Variants in ASTN2 observed in about 807,000 individuals in gnomAD.
ASTN2 encodes the protein astrotactin-2.
In ASTN2, 54 loss-of-function variants were observed where a neutral mutation model predicts 139.8. The observed-to-expected ratio is 0.39, with a 90% CI of 0.31 to 0.48. The LOEUF (loss-of-function observed/expected upper bound fraction) is 0.48. Ranked by LOEUF, ASTN2 falls within the 20% of genes least tolerant of loss-of-function variation. The pLI is 0.95. For synonymous variants in ASTN2, 756 were observed against 719.5 expected, an observed-to-expected ratio of 1.05 and a Z score of -0.81; for missense variants, 1,565 against 1,725.1, an observed-to-expected ratio of 0.91 and a Z score of 1.64.
chr9:117,015,638 T>G (rs1371757103), intron 6 of ASTN2, among the ~76,000 whole-genome samples: 1 of 152,132 alleles, frequency 6.6e-6, no homozygotes, highest in Non-Finnish European at 1.5e-5. Context: ...GGGATTATTA[T>G]AATACCCATA....
intron 19 of ASTN2, chr9:116,582,786 C>G (rs947772824): frequency 2.0e-5 from 3 of 152,190 alleles, no homozygotes; most frequent in African/African-American, 7.2e-5. Context: ...TTCCAAAGCA[C>G]CATTCTGATT....
chr9:117,210,050 C>A (rs886262659), intron 3 of ASTN2, among the ~76,000 whole-genome samples: 5 of 151,912 alleles, frequency 3.3e-5, no homozygotes, highest in Admixed American at 3.3e-4. Flanking sequence ...TGGAACACAG[C>A]AAAAGCAGTA....
intron 19 of ASTN2, among the ~76,000 whole-genome samples, chr9:116,568,174 G>A (rs2131681164): frequency 6.6e-6 from 1 of 152,146 alleles, no homozygotes; most frequent in East Asian, 1.9e-4. Context: ...CTTCTCACCA[G>A]GATATTAGAA....
intron 22 of ASTN2, among the ~76,000 whole-genome samples, chr9:116,435,003 TATCA>T (rs1381337518): frequency 6.6e-6 from 1 of 152,240 alleles, no homozygotes; most frequent in Non-Finnish European, 1.5e-5. Context: ...GCTCATCTTA[TATCA>T]GTCCTCAAAG....
chr9:116,742,205 A>C (rs1234065969), intron 13 of ASTN2, among the ~76,000 whole-genome samples: 1 of 152,234 alleles, frequency 6.6e-6, no homozygotes, highest in Non-Finnish European at 1.5e-5. Context: ...CAAGCTGGAC[A>C]ATAGTTTCAA....
intron 2 of ASTN2, among the ~76,000 whole-genome samples, chr9:117,266,135 G>A (rs1224428814): frequency 6.6e-6 from 1 of 152,082 alleles, no homozygotes; most frequent in African/African-American, 2.4e-5. Context: ...AAATCAGACA[G>A]GTTTTATAAT....
intron 1 of ASTN2, among the ~76,000 whole-genome samples, chr9:117,341,354 A>G (rs76745334): frequency 0.013 from 2,011 of 152,266 alleles, 25 homozygotes; most frequent in Non-Finnish European, 0.021. Flanking sequence ...CAAGAGATGG[A>G]GATACACAGA....
chr9:116,703,971 C>T (rs1183126573), intron 16 of ASTN2, among the ~76,000 whole-genome samples: 1 of 152,146 alleles, frequency 6.6e-6, no homozygotes, highest in African/African-American at 2.4e-5. Context: ...AGACTCCAGA[C>T]CTATGGCTTT....
rs986468742 is a variant in ASTN2, at chr9:117,306,565, C to T, written c.443-15052G>A. 4.6e-5 allele frequency among the ~76,000 whole-genome samples: 7 copies of T among 152,292 alleles called. No individual in the cohort carries two copies. In the South Asian group the frequency reaches 1.4e-3, roughly 32 times the overall value. On this transcript the variant is annotated intron_variant, in intron 1 of 22. Transcript: ENST00000313400. ...GGAATAGACATGGCATCTTCAGAGG[C>T]TGTTCAGAGGATTTACTAAAGAATG...
intron 10 of ASTN2, among the ~76,000 whole-genome samples, chr9:116,880,847 C>T (rs966045124): frequency 6.6e-6 from 1 of 152,132 alleles, no homozygotes; most frequent in African/African-American, 2.4e-5. Flanking sequence ...GGTGCTGAGA[C>T]ATGACCCCCG....
At chr9:116,505,655 G>A (rs1024093687) in intron 19 of ASTN2, among the ~76,000 whole-genome samples, 3 of 152,154 alleles carry the variant, frequency 2.0e-5, no homozygotes, top group East Asian at 1.9e-4. Context: ...AAGAAGTGGC[G>A]ATGGGTCGGG....
chr9:116,693,826 T>C (rs949119447), intron 16 of ASTN2, among the ~76,000 whole-genome samples: 3 of 152,160 alleles, frequency 2.0e-5, no homozygotes, highest in Non-Finnish European at 4.4e-5. Context: ...TGAAGTCAAA[T>C]TGACCTTCTA....
chr9:116,592,492 G>A (rs1057338185), intron 19 of ASTN2, among the ~76,000 whole-genome samples: 6 of 152,100 alleles, frequency 3.9e-5, no homozygotes, highest in African/African-American at 7.2e-5. Flanking sequence ...ACCAGCCCTC[G>A]CCTCCAACAG....
At chr9:116,705,917 C>T (rs1391654441) in intron 16 of ASTN2, among the ~76,000 whole-genome samples, 1 of 151,976 alleles carries the variant, frequency 6.6e-6, no homozygotes, top group African/African-American at 2.4e-5. Flanking sequence ...TAAAACCACC[C>T]CAGAATGAGG....
chr9:116,586,735 G>A (rs1169943165), intron 19 of ASTN2, among the ~76,000 whole-genome samples: 2 of 150,948 alleles, frequency 1.3e-5, no homozygotes, highest in Non-Finnish European at 2.9e-5. Context: ...CCAAACCTCA[G>A]CATCATGTAG....
chr9:116,778,347 G>C (rs1830135773), intron 13 of ASTN2, among the ~76,000 whole-genome samples: 1 of 152,118 alleles, frequency 6.6e-6, no homozygotes, highest in African/African-American at 2.4e-5. Flanking sequence ...TGGAAGATCT[G>C]AGTTCAAAAT....
intron 19 of ASTN2, among the ~76,000 whole-genome samples, chr9:116,506,488 G>A (rs1850114049): frequency 6.7e-6 from 1 of 149,132 alleles, no homozygotes; most frequent in Non-Finnish European, 1.5e-5. Context: ...AGAGATGGAG[G>A]AGTAAGAAGG....
At chr9:116,843,515 C>T (rs1179032282) in intron 11 of ASTN2, among the ~76,000 whole-genome samples, 1 of 149,830 alleles carries the variant, frequency 6.7e-6, no homozygotes, top group Non-Finnish European at 1.5e-5. Flanking sequence ...ACAAATTAGC[C>T]AGGGGTGGTG....
chr9:116,701,884 T>G (rs1484847038), intron 16 of ASTN2, among the ~76,000 whole-genome samples: 4 of 151,592 alleles, frequency 2.6e-5, no homozygotes, highest in African/African-American at 9.7e-5. Context: ...TTTTGGGTTT[T>G]TTTTTTTTTT....
Sources: gnomAD v4.1 joint callset for allele counts (sites outside exome capture counted in the v4.1 genomes callset) on GRCh38, gnomAD v4.1.1 for gene constraint, MANE v1.5 for transcripts, NCBI Gene and HGNC (gene_info 2026-07-23, HGNC 2026-07-21) for gene names.